The following EAPP variants were observed in gnomAD, a reference collection of about 807,000 sequenced individuals.
The protein encoded by EAPP is E2F associated phosphoprotein.
In EAPP, 38 loss-of-function variants were observed where a neutral mutation model predicts 34.3. The observed-to-expected ratio is 1.11, with a 90% CI of 0.85 to 1.45. EAPP has a LOEUF of 1.45. Ranked by LOEUF, EAPP falls within the 40% of genes most tolerant of loss-of-function variation. EAPP has a pLI of 0.00. For synonymous variants in EAPP, 113 were observed against 117.6 expected, an observed-to-expected ratio of 0.96 and a Z score of 0.25; for missense variants, 338 against 343.7, an observed-to-expected ratio of 0.98 and a Z score of 0.13.
intron 5 of EAPP, among the ~76,000 whole-genome samples, chr14:34,518,515 T>A (rs1389419322): frequency 1.3e-5 from 2 of 151,770 alleles, no homozygotes; most frequent in Non-Finnish European, 2.9e-5. Context: ...GGTATTTTTG[T>A]GGAGATGGGG....
chr14:34,517,178 T>G (rs1879764803), intron 5 of EAPP, among the ~76,000 whole-genome samples: 1 of 151,922 alleles, frequency 6.6e-6, no homozygotes, highest in African/African-American at 2.4e-5. Flanking sequence ...GACCTTGTGA[T>G]CTGCCCGCCT....
Position 34,529,441 on chromosome 14 carries a change from G to C in EAPP, c.387C>G (p.His129Gln), listed in dbSNP as rs750151432. 1 of 1,612,818 alleles carries C rather than the reference G, an allele frequency of 6.2e-7. No homozygotes were observed. The highest frequency in any genetic ancestry group is 1.7e-5 in the Admixed American group (1 of 59,932). ...GTAATTCGTCATTTGTTGGAATCTT[G>C]TGTTGTTTCTTCTTTTTTTTCTTGG... Reference protein sequence around the residue: ...QVTKKKKKKQHKIPTNDELLY... With the variant: ...QVTKKKKKKQQKIPTNDELLY... Residue 129 changes from histidine (H) to glutamine (Q), a missense_variant, in exon 4 of 6, where the codon CAC becomes CAG. Transcript: ENST00000250454.
chr14:34,539,244 T>A (rs1364620542), intron 1 of EAPP: 2 of 562,994 alleles, frequency 3.6e-6, no homozygotes, highest in African/African-American at 3.7e-5. Context: ...TAATCGAGGA[T>A]AACTGACTTG....
At position 34,536,237 on chromosome 14, in the gene EAPP, G is replaced by A. The variant is rs750080859; in HGVS notation, c.113C>T (p.Pro38Leu). 1 of 1,611,662 alleles carries A rather than the reference G, an allele frequency of 6.2e-7. No individual in the cohort carries two copies. The highest frequency in any genetic ancestry group is 1.3e-5 in the African/African-American group (1 of 74,782). The change falls in exon 2 of 6, where the codon CCT becomes CTT. Residue 38 changes from proline to leucine, a missense_variant. By Grantham distance (98) the Pro-to-Leu change is moderately conservative (BLOSUM62 -3). Coordinates refer to ENST00000250454, the MANE Select transcript of EAPP (RefSeq NM_018453.4). ...TCTGATGAGTTTTCGTTTTTGGTCA[G>A]GAGTTCCATGTAAAAGCACATCCAC... Reference protein sequence around the residue: ...DEVDVLLHGTPDQKRKLIREC... With the variant: ...DEVDVLLHGTLDQKRKLIREC...
At chr14:34,517,780 T>A (rs1879786129) in intron 5 of EAPP, among the ~76,000 whole-genome samples, 1 of 151,850 alleles carries the variant, frequency 6.6e-6, no homozygotes, top group African/African-American at 2.4e-5. Context: ...TTTAATAAAT[T>A]AATTTTTTTT....
At chr14:34,539,312 A>G in intron 1 of EAPP, 1 of 677,084 alleles carries the variant, frequency 1.5e-6, no homozygotes, top group Non-Finnish European at 2.7e-6. Flanking sequence ...TTGCTTTTGA[A>G]GATTTACACG....
intron 2 of EAPP, among the ~76,000 whole-genome samples, chr14:34,535,493 C>T (rs1880440871): frequency 1.4e-5 from 2 of 142,384 alleles, no homozygotes; most frequent in South Asian, 2.5e-4. Context: ...AGTGCAGTGG[C>T]GTGATCTCAG....
chr14:34,516,096 A>C lies in EAPP; in HGVS notation c.*214T>G. The C allele has an allele frequency of 2.2e-6, 1 of 463,166 alleles. No homozygotes were observed. The highest frequency in any genetic ancestry group is 3.2e-5 in the East Asian group (1 of 30,800). The allele number at this position is 463,166 out of a possible 1,614,324, so 28.7% of individuals were successfully genotyped here. On this transcript the variant is annotated 3_prime_UTR_variant, in exon 6 of 6. Coordinates refer to ENST00000250454, the MANE Select transcript of EAPP (RefSeq NM_018453.4). ...CAAATGTTCATCAAAAACAGAATGA[A>C]TATCAGTCCCATCAATAAGGGGGAA... is the stretch of plus-strand genomic sequence containing the variant.
At chr14:34,533,847 GTAT>G (rs1313163793) in intron 2 of EAPP, among the ~76,000 whole-genome samples, 1 of 152,072 alleles carries the variant, frequency 6.6e-6, no homozygotes, top group Non-Finnish European at 1.5e-5. Flanking sequence ...CAGTCATACA[GTAT>G]ACCATGCAGA....
chr14:34,535,237 C>T (rs1190871427), intron 2 of EAPP, among the ~76,000 whole-genome samples: 1 of 150,972 alleles, frequency 6.6e-6, no homozygotes, highest in Non-Finnish European at 1.5e-5. Context: ...TCAAGCAATT[C>T]TCCTGCCTCG....
chr14:34,519,598 T>G (rs1418744273), intron 5 of EAPP, among the ~76,000 whole-genome samples: 1 of 152,108 alleles, frequency 6.6e-6, no homozygotes, highest in East Asian at 1.9e-4. Context: ...TGTGGAATTA[T>G]GAGCCAATTA....
chr14:34,529,094 C>A (rs1472495873), intron 4 of EAPP, among the ~76,000 whole-genome samples: 4 of 151,996 alleles, frequency 2.6e-5, no homozygotes, highest in East Asian at 3.9e-4. Context: ...CAAGATCGCG[C>A]CACTGCACTC....
chr14:34,539,532 G>A (rs1594674758), intron 1 of EAPP, 23 bp downstream of exon 1: 4 of 1,603,222 alleles, frequency 2.5e-6, no homozygotes, highest in Non-Finnish European at 3.4e-6. Context: ...ATCCTCGGGG[G>A]CCAGGGTGGG....
intron 1 of EAPP, among the ~76,000 whole-genome samples, chr14:34,537,665 C>A (rs952045591): frequency 6.6e-6 from 1 of 152,216 alleles, no homozygotes; most frequent in African/African-American, 2.4e-5. Context: ...GAGGTGGATT[C>A]TCCAAGCTCA....
chr14:34,539,270 C>T (rs1281812744), intron 1 of EAPP: 1 of 619,548 alleles, frequency 1.6e-6, no homozygotes, highest in Admixed American at 2.2e-5. Context: ...CGTCACTCTG[C>T]TACTAAGGTG....
chr14:34,520,957 T>C (rs1020443753), intron 5 of EAPP, among the ~76,000 whole-genome samples: 1 of 152,188 alleles, frequency 6.6e-6, no homozygotes. Context: ...TTGGACAGTT[T>C]TACTGTTTTA....
At chr14:34,530,161 T>C (rs1880235710) in intron 3 of EAPP, among the ~76,000 whole-genome samples, 1 of 151,266 alleles carries the variant, frequency 6.6e-6, no homozygotes, top group African/African-American at 2.4e-5. Flanking sequence ...GATCACGCCA[T>C]TGCACTCCAG....
chr14:34,531,585 G>C (rs1254929618), intron 3 of EAPP, among the ~76,000 whole-genome samples: 2 of 152,076 alleles, frequency 1.3e-5, no homozygotes, highest in Non-Finnish European at 2.9e-5. Context: ...CTGGGCGATA[G>C]AGCGAGACTT....
intron 5 of EAPP, among the ~76,000 whole-genome samples, chr14:34,520,642 T>C (rs982892534): frequency 4.6e-5 from 7 of 151,886 alleles, no homozygotes; most frequent in African/African-American, 1.5e-4. Flanking sequence ...ACTGGGATTA[T>C]AGGCAAATGC....
Sources: gnomAD v4.1 joint callset for allele counts (sites outside exome capture counted in the v4.1 genomes callset) on GRCh38, gnomAD v4.1.1 for gene constraint, MANE v1.5 for transcripts, NCBI Gene and HGNC (gene_info 2026-07-23, HGNC 2026-07-21) for gene names.